GCNT2: variants seen among roughly 807,000 people sequenced by gnomAD.
The protein encoded by GCNT2 is N-acetyllactosaminide beta-1,6-N-acetylglucosaminyl-transferase.
Under a neutral mutation model 34.2 loss-of-function variants are expected in GCNT2, and 34 were observed. The observed-to-expected ratio is 1.00, with a 90% CI of 0.76 to 1.32. The LOEUF is 1.32. GCNT2 is among the 40% of genes most tolerant of loss of function. GCNT2 has a pLI of 0.00. For missense variants in GCNT2, 584 were observed against 489.4 expected (o/e 1.19, Z -1.82); for synonymous variants, 212 against 188.0 (o/e 1.13, Z -1.04).
chr6:10,553,687 A>G (rs1762572655), intron 3 of GCNT2, among the ~76,000 whole-genome samples: 1 of 152,368 alleles, frequency 6.6e-6, no homozygotes, highest in African/African-American at 2.4e-5. Flanking sequence ...TGAGCCCAAG[A>G]GTTCAAGACC....
At chr6:10,594,191 T>C (rs1764756358) in intron 3 of GCNT2, among the ~76,000 whole-genome samples, 1 of 152,204 alleles carries the variant, frequency 6.6e-6, no homozygotes, top group Admixed American at 6.5e-5. Flanking sequence ...TTCTAACAGT[T>C]TCCTGGGTTA....
rs186446923 is a variant in GCNT2 at position 10,573,241 on chromosome 6, A to G, written c.925+43405A>G. The G allele has an allele frequency of 2.9e-3, 2,855 of 985,006 alleles. 8 individuals are homozygous for G. Among genetic ancestry groups the G allele is most frequent in the Middle Eastern group, 0.022 (42 of 1,914 alleles). The allele number at this position is 985,006 out of a possible 1,614,324, so 61.0% of individuals were successfully genotyped here. A position where few individuals can be genotyped will look rare whatever the true frequency, so the allele number is the denominator to read the frequency against. On this transcript the variant is annotated intron_variant, in intron 3 of 4. Coordinates refer to ENST00000495262, the MANE Select transcript of GCNT2 (RefSeq NM_145649.5). Reference sequence around the variant, plus strand: ...CAACTTCTTTTTCCTCGGATGCGACATTCGGAATCAGAGAAAAGTTGTTGT... The same window carrying G: ...CAACTTCTTTTTCCTCGGATGCGACGTTCGGAATCAGAGAAAAGTTGTTGT...
At chr6:10,589,133 G>A (rs1764508554) in intron 3 of GCNT2, among the ~76,000 whole-genome samples, 1 of 144,172 alleles carries the variant, frequency 6.9e-6, no homozygotes, top group Non-Finnish European at 1.5e-5. Context: ...TATGTGTGGT[G>A]TGGTTATGTG....
intron 3 of GCNT2, among the ~76,000 whole-genome samples, chr6:10,592,692 T>C (rs1764699942): frequency 6.6e-6 from 1 of 152,134 alleles, no homozygotes; most frequent in Non-Finnish European, 1.5e-5. Flanking sequence ...AAGGAAATAA[T>C]TGGGAAACGC....
intron 3 of GCNT2, among the ~76,000 whole-genome samples, chr6:10,578,070 C>T (rs1339647877): frequency 3.9e-5 from 6 of 152,098 alleles, no homozygotes; most frequent in Admixed American, 1.3e-4. Flanking sequence ...TACCTCTGCT[C>T]TGCACTGCTA....
intron 3 of GCNT2, among the ~76,000 whole-genome samples, chr6:10,600,423 G>A (rs1765044041): frequency 6.6e-6 from 1 of 152,098 alleles, no homozygotes; most frequent in Non-Finnish European, 1.5e-5. Context: ...TATACATACA[G>A]TTCACTCTCT....
intron 4 of GCNT2, among the ~76,000 whole-genome samples, chr6:10,623,767 T>G (rs868475386): frequency 5.3e-5 from 8 of 152,310 alleles, no homozygotes; most frequent in Middle Eastern, 6.8e-3. Flanking sequence ...TTTTGACCAG[T>G]TTGTTCACTG....
intron 4 of GCNT2, among the ~76,000 whole-genome samples, chr6:10,622,063 A>C (rs1034011303): frequency 6.6e-6 from 1 of 152,128 alleles, no homozygotes; most frequent in African/African-American, 2.4e-5. Flanking sequence ...AGTGGCTTGG[A>C]GAGCTGTCGG....
At chr6:10,572,318 T>G (rs1278411927) in intron 3 of GCNT2, among the ~76,000 whole-genome samples, 1 of 152,218 alleles carries the variant, frequency 6.6e-6, no homozygotes, top group Non-Finnish European at 1.5e-5. Context: ...AGCTACAATA[T>G]TAGCCCTGAA....
chr6:10,604,488 CT>C (rs927487421), intron 3 of GCNT2, among the ~76,000 whole-genome samples: 4 of 152,106 alleles, frequency 2.6e-5, no homozygotes, highest in African/African-American at 9.7e-5. Flanking sequence ...AAGAAAGTTG[CT>C]GTATTTGGTG....
chr6:10,628,684 C>A lies in GCNT2; in HGVS notation c.*2077C>A, dbSNP rs1387704588. 6.6e-6 allele frequency: 1 copy of A among 152,258 alleles called. No homozygotes were observed. The highest frequency in any genetic ancestry group is 1.5e-5 in the Non-Finnish European group (1 of 68,088). 9.4% of individuals were successfully genotyped at this position (152,258 alleles called of 1,614,324 possible). ...TTGGTAAGGGAAGTTTAGATGAGGTCACGAGGGTAGGACCCTCATGATGGG... is the reference window on the plus strand; with the variant it reads ...TTGGTAAGGGAAGTTTAGATGAGGTAACGAGGGTAGGACCCTCATGATGGG... On this transcript the variant is annotated 3_prime_UTR_variant, in exon 5 of 5. Coordinates refer to ENST00000495262, the MANE Select transcript of GCNT2 (RefSeq NM_145649.5).
chr6:10,612,434 G>C (rs1299668722), intron 3 of GCNT2, among the ~76,000 whole-genome samples: 1 of 152,110 alleles, frequency 6.6e-6, no homozygotes, highest in Non-Finnish European at 1.5e-5. Context: ...AAGAGACTGG[G>C]AACACTGCTA....
Position 10,555,993 on chromosome 6 carries a change from C to G in GCNT2, c.925+26157C>G, listed in dbSNP as rs1762681388. ...GCACGCCTGCCAGAGCTCATCACTT[C>G]AACTCTGGCTTTCACTGCGCTCATT... On this transcript the variant is annotated intron_variant, in intron 3 of 4. Coordinates refer to ENST00000495262, the MANE Select transcript of GCNT2 (RefSeq NM_145649.5). 5.5e-6 allele frequency: 6 copies of G among 1,093,056 alleles called. No homozygotes were observed. The highest frequency in any genetic ancestry group is 6.7e-6 in the Non-Finnish European group (6 of 895,520). The allele number at this position is 1,093,056 out of a possible 1,614,324, so 67.7% of individuals were successfully genotyped here.
At chr6:10,563,818 C>A (rs371042799) in intron 3 of GCNT2, among the ~76,000 whole-genome samples, 2 of 104,522 alleles carry the variant, frequency 1.9e-5, no homozygotes, top group South Asian at 3.5e-4. Flanking sequence ...ATGACTTGTC[C>A]AAAGACAAAT....
At chr6:10,535,133 G>A (rs1398768624) in intron 3 of GCNT2, among the ~76,000 whole-genome samples, 1 of 152,104 alleles carries the variant, frequency 6.6e-6, no homozygotes, top group Admixed American at 6.5e-5. Flanking sequence ...GCAATGAGCC[G>A]AGATCGCGCC....
chr6:10,539,347 G>A (rs1018062438), intron 3 of GCNT2, among the ~76,000 whole-genome samples: 5 of 151,652 alleles, frequency 3.3e-5, no homozygotes, highest in African/African-American at 1.2e-4. Context: ...GCACTACCAC[G>A]CCTGGCAAAT....
chr6:10,541,364 T>G (rs896607765), intron 3 of GCNT2, among the ~76,000 whole-genome samples: 3 of 152,234 alleles, frequency 2.0e-5, no homozygotes, highest in African/African-American at 4.8e-5. Context: ...TATGGCTGCA[T>G]AATATTCTAT....
At chr6:10,596,482 C>T (rs915846375) in intron 3 of GCNT2, among the ~76,000 whole-genome samples, 2 of 151,758 alleles carry the variant, frequency 1.3e-5, no homozygotes, top group Non-Finnish European at 2.9e-5. Context: ...GATTGCGCCA[C>T]TGCACTCCAG....
chr6:10,601,112 A>G (rs1424450244), intron 3 of GCNT2, among the ~76,000 whole-genome samples: 1 of 152,040 alleles, frequency 6.6e-6, no homozygotes, highest in African/African-American at 2.4e-5. Context: ...TTTAATATCT[A>G]TTGAGTATTG....
Sources: gnomAD v4.1 joint callset for allele counts (sites outside exome capture counted in the v4.1 genomes callset) on GRCh38, gnomAD v4.1.1 for gene constraint, MANE v1.5 for transcripts, NCBI Gene and HGNC (gene_info 2026-07-23, HGNC 2026-07-21) for gene names.